EEFSEC: variants seen among roughly 807,000 people sequenced by gnomAD.
EEFSEC encodes selenocysteine-specific elongation factor.
In EEFSEC, 43 loss-of-function variants were observed where a neutral mutation model predicts 42.1. The ratio of observed to expected loss-of-function variants is 1.02; its 90% CI spans 0.80 to 1.32. EEFSEC has a LOEUF of 1.32. Ranked by LOEUF, EEFSEC falls within the 40% of genes most tolerant of loss-of-function variation. The pLI, the probability that EEFSEC is intolerant of heterozygous loss-of-function variation, is 0.00. For synonymous variants in EEFSEC, 354 were observed against 339.1 expected, an observed-to-expected ratio of 1.04 and a Z score of -0.48; for missense variants, 745 against 803.6, an observed-to-expected ratio of 0.93 and a Z score of 0.88.
intron 1 of EEFSEC, among the ~76,000 whole-genome samples, chr3:128,155,546 G>C (rs566525834): frequency 4.6e-5 from 7 of 152,286 alleles, no homozygotes; most frequent in African/African-American, 1.4e-4. Flanking sequence ...TGGTATAAAA[G>C]GGTATATAGC....
chr3:128,315,236 G>T (rs371498129), intron 4 of EEFSEC, among the ~76,000 whole-genome samples: 1 of 152,180 alleles, frequency 6.6e-6, no homozygotes, highest in East Asian at 1.9e-4. Context: ...GGAGATTAAT[G>T]GGTTAATGCA....
At chr3:128,203,688 T>C (rs569435095) in intron 1 of EEFSEC, among the ~76,000 whole-genome samples, 3 of 152,358 alleles carry the variant, frequency 2.0e-5, no homozygotes, top group Admixed American at 1.3e-4. Flanking sequence ...TTTTTTATCA[T>C]GCAACATGAG....
chr3:128,328,052 C>A (rs986187537), intron 4 of EEFSEC, among the ~76,000 whole-genome samples: 2 of 152,178 alleles, frequency 1.3e-5, no homozygotes, highest in African/African-American at 4.8e-5. Flanking sequence ...CTCAGGGAGA[C>A]CCTAGGCACA....
At chr3:128,166,728 G>A (rs1455617569) in intron 1 of EEFSEC, among the ~76,000 whole-genome samples, 1 of 151,920 alleles carries the variant, frequency 6.6e-6, no homozygotes, top group East Asian at 1.9e-4. Flanking sequence ...CCCTTGAACT[G>A]CTCCTCAGTG....
intron 3 of EEFSEC, 41 bp downstream of exon 3, chr3:128,262,265 G>C (rs758000287): frequency 6.4e-7 from 1 of 1,565,106 alleles, no homozygotes; most frequent in Middle Eastern, 1.7e-4. Flanking sequence ...TAGCCCCAGC[G>C]CTGCTCAGGC....
chr3:128,307,356 T>C (rs1197889874), intron 4 of EEFSEC, among the ~76,000 whole-genome samples: 1 of 152,108 alleles, frequency 6.6e-6, no homozygotes, highest in East Asian at 1.9e-4. Context: ...TGGTTTATTG[T>C]TGGGGGTGGA....
intron 1 of EEFSEC, among the ~76,000 whole-genome samples, chr3:128,159,801 C>T (rs554056337): frequency 6.6e-6 from 1 of 152,348 alleles, no homozygotes; most frequent in Admixed American, 6.5e-5. Flanking sequence ...GCCTCTCCTG[C>T]CCCACCTATC....
intron 6 of EEFSEC, among the ~76,000 whole-genome samples, chr3:128,394,436 A>G (rs2067955452): frequency 6.6e-6 from 1 of 151,850 alleles, no homozygotes; most frequent in African/African-American, 2.4e-5. Context: ...ATTATTCTAG[A>G]CGGTTTTTTT....
chr3:128,371,184 G>C (rs1482619140), intron 6 of EEFSEC, among the ~76,000 whole-genome samples: 13 of 152,036 alleles, frequency 8.6e-5, no homozygotes, highest in African/African-American at 2.4e-5. Flanking sequence ...TTGAGGCCCT[G>C]GGGAGCCTCC....
intron 4 of EEFSEC, among the ~76,000 whole-genome samples, chr3:128,294,083 G>GAGAGCCAGCTC (rs1423784105): frequency 1.3e-5 from 2 of 152,216 alleles, no homozygotes; most frequent in Non-Finnish European, 2.9e-5. Context: ...ATCCAGAGGA[G>GAGAGCCAGCTC]AGAGCCAGCT....
the EEFSEC span, among the ~76,000 whole-genome samples, chr3:128,420,823 G>A: frequency 5.4e-3 from 825 of 152,188 alleles, 9 homozygotes; most frequent in African/African-American, 0.019. Flanking sequence ...AGTCTAGCAG[G>A]GTGCTCCCCT....
At chr3:128,394,330 C>T (rs1178297512) in intron 6 of EEFSEC, among the ~76,000 whole-genome samples, 2 of 152,206 alleles carry the variant, frequency 1.3e-5, no homozygotes, top group Non-Finnish European at 2.9e-5. Flanking sequence ...TGCCCACGGC[C>T]TCTCGCTCTG....
At chr3:128,170,354 G>A (rs2065282646) in intron 1 of EEFSEC, among the ~76,000 whole-genome samples, 1 of 152,190 alleles carries the variant, frequency 6.6e-6, no homozygotes, top group South Asian at 2.1e-4. Context: ...CCTGAAGCAG[G>A]AGTTCGAGAC....
At chr3:128,386,648 G>T (rs1029328101) in intron 6 of EEFSEC, among the ~76,000 whole-genome samples, 3 of 152,190 alleles carry the variant, frequency 2.0e-5, no homozygotes, top group Non-Finnish European at 4.4e-5. Context: ...GGCTGTACAG[G>T]AAGTATGGCA....
At chr3:128,291,346 A>T (rs1005138790) in intron 4 of EEFSEC, among the ~76,000 whole-genome samples, 5 of 152,174 alleles carry the variant, frequency 3.3e-5, no homozygotes, top group Admixed American at 6.5e-5. Context: ...AAGAGGTACA[A>T]CCTTTAAGAG....
At chr3:128,284,646 A>C (rs2066564226) in intron 4 of EEFSEC, among the ~76,000 whole-genome samples, 1 of 152,224 alleles carries the variant, frequency 6.6e-6, no homozygotes, top group South Asian at 2.1e-4. Context: ...TGACCAGGGT[A>C]TGTGCAAAAG....
At chr3:128,261,143 G>C (rs907386074) in intron 2 of EEFSEC, among the ~76,000 whole-genome samples, 5 of 152,232 alleles carry the variant, frequency 3.3e-5, no homozygotes, top group Non-Finnish European at 7.3e-5. Context: ...CAGGTGGAGA[G>C]AAGTGTGACA....
chr3:128,401,788 T>C (rs1022152561), intron 6 of EEFSEC, among the ~76,000 whole-genome samples: 6 of 152,156 alleles, frequency 3.9e-5, no homozygotes, highest in Non-Finnish European at 8.8e-5. Context: ...GGTGGATTCC[T>C]GCGCCCACAC....
At chr3:128,392,514 A>G (rs1191533766) in intron 6 of EEFSEC, among the ~76,000 whole-genome samples, 2 of 152,216 alleles carry the variant, frequency 1.3e-5, no homozygotes, top group African/African-American at 4.8e-5. Context: ...ATCCACCTGT[A>G]TTCTGGACAG....
Sources: allele counts gnomAD v4.1 joint callset (sites outside exome capture counted in the v4.1 genomes callset), GRCh38; gene constraint gnomAD v4.1.1; transcripts MANE v1.5; gene names NCBI Gene and HGNC (gene_info 2026-07-23, HGNC 2026-07-21).